ARHGAP10: variants seen among roughly 807,000 people sequenced by gnomAD.
The protein encoded by ARHGAP10 is rho GTPase-activating protein 10.
ARHGAP10 carries 87 observed loss-of-function variants against 108.6 expected under a neutral mutation model. That is an observed-to-expected ratio of 0.80 (90% CI 0.67 to 0.96). The LOEUF (loss-of-function observed/expected upper bound fraction) is 0.96, where lower values mean the gene tolerates loss of function less well. Ranked by LOEUF, ARHGAP10 falls within the 40% of genes least tolerant of loss-of-function variation. ARHGAP10 has a pLI of 0.00. For missense variants in ARHGAP10, 939 were observed against 954.5 expected, an observed-to-expected ratio of 0.98 and a Z score of 0.21; for synonymous variants, 347 against 341.1, an observed-to-expected ratio of 1.02 and a Z score of -0.19.
intron 18 of ARHGAP10, among the ~76,000 whole-genome samples, chr4:147,972,508 C>T (rs72724386): frequency 0.022 from 3,347 of 152,182 alleles, 64 homozygotes; most frequent in Non-Finnish European, 0.033. Flanking sequence ...AGATTGACCC[C>T]CAAAGCCTTT....
Position 147,938,918 on chromosome 4 carries a change from G to T in ARHGAP10, c.1229-907G>T, listed in dbSNP as rs141734776. Among the ~76,000 whole-genome samples, 38 of 152,282 alleles carry T rather than the reference G, an allele frequency of 2.5e-4. No homozygotes were observed. In the East Asian group the frequency reaches 6.9e-3, roughly 28 times the overall value. On this transcript the variant is annotated intron_variant, in intron 13 of 22. Transcript: ENST00000336498. ...ATTTTCAAGCATAAAAAAGTAGAGA[G>T]ATTGGTATAATGAATTCCCATATTC...
Position 147,966,673 on chromosome 4 carries a change from A to G in ARHGAP10, c.1557-7A>G, listed in dbSNP as rs762587359. 1 of 1,552,504 alleles carries G rather than the reference A, an allele frequency of 6.4e-7. No individual in the cohort carries two copies. Among genetic ancestry groups the G allele is most frequent in the Non-Finnish European group, 8.8e-7 (1 of 1,142,156 alleles). The stretch of plus-strand genomic sequence containing the variant: ...TAAACAGATTCCTCCCCCCTTACCA[A>G]TTTCAGTGTTTCAAATCACTCCAAG... On this transcript the variant is annotated splice_polypyrimidine_tract_variant and splice_region_variant and intron_variant, in intron 17 of 22. Coordinates refer to ENST00000336498, the MANE Select transcript of ARHGAP10 (RefSeq NM_024605.4).
chr4:147,958,002 G>A (rs1479104870), intron 16 of ARHGAP10, among the ~76,000 whole-genome samples: 2 of 152,074 alleles, frequency 1.3e-5, no homozygotes, highest in Non-Finnish European at 2.9e-5. Context: ...CTTATAAAAG[G>A]AACCCAGTAG....
chr4:147,950,040 A>G (rs910019791), intron 15 of ARHGAP10, among the ~76,000 whole-genome samples: 6 of 152,164 alleles, frequency 3.9e-5, no homozygotes, highest in African/African-American at 1.4e-4. Context: ...ATCCTATGGA[A>G]TTTCACTTTT....
chr4:147,955,594 T>A (rs904201390), intron 16 of ARHGAP10, among the ~76,000 whole-genome samples: 1 of 152,154 alleles, frequency 6.6e-6, no homozygotes, highest in African/African-American at 2.4e-5. Context: ...TCCTATTATG[T>A]TACTGGATAT....
chr4:147,980,308 G>C (rs745385658), intron 18 of ARHGAP10, among the ~76,000 whole-genome samples: 39 of 151,974 alleles, frequency 2.6e-4, no homozygotes, highest in Non-Finnish European at 4.6e-4. Context: ...TATAGTTTTT[G>C]TTTTTAATTC....
chr4:147,895,964 C>G (rs1004525563), intron 10 of ARHGAP10, among the ~76,000 whole-genome samples: 7 of 152,132 alleles, frequency 4.6e-5, no homozygotes, highest in Admixed American at 4.6e-4. Context: ...CAAAATGTTT[C>G]TCAGTGTCTC....
intron 1 of ARHGAP10, among the ~76,000 whole-genome samples, chr4:147,816,652 G>A (rs927489790): frequency 1.3e-5 from 2 of 152,158 alleles, no homozygotes; most frequent in Non-Finnish European, 2.9e-5. Flanking sequence ...GGGCTTATGA[G>A]TTGTTTGCAG....
In ARHGAP10 at chr4:147,732,420, T is replaced by G; in HGVS notation, c.119T>G (p.Ile40Ser). 6.2e-7 allele frequency: 1 copy of G among 1,612,382 alleles called. No homozygotes were observed. The highest frequency in any genetic ancestry group is 8.5e-7 in the Non-Finnish European group (1 of 1,179,248). The change falls in exon 1 of 23, where the codon ATT (isoleucine) becomes AGT (serine). Residue 40 changes from isoleucine to serine, a missense_variant. By Grantham distance (142) the Ile-to-Ser change is moderately radical. Coordinates refer to ENST00000336498, the MANE Select transcript of ARHGAP10 (RefSeq NM_024605.4). ...ERTNKFIKEL[I>S]KDGKNLIAAT... ...ACCAACAAGTTCATCAAAGAGCTCA[T>G]TAAGGACGGGAAGAACCTCATCGCT...
intron 19 of ARHGAP10, among the ~76,000 whole-genome samples, chr4:148,043,869 A>G (rs916027697): frequency 6.6e-6 from 1 of 151,186 alleles, no homozygotes; most frequent in Non-Finnish European, 1.5e-5. Context: ...TAGTTAAAAA[A>G]TGCTAATTTG....
intron 19 of ARHGAP10, among the ~76,000 whole-genome samples, chr4:148,032,275 A>G (rs1728179773): frequency 6.7e-6 from 1 of 149,778 alleles, no homozygotes; most frequent in African/African-American, 2.5e-5. Flanking sequence ...TGAACCACAT[A>G]AAATTGCCAT....
In ARHGAP10 at chr4:148,062,566, C is replaced by T. The variant is rs575153926; in HGVS notation, c.2028-582C>T. Among the ~76,000 whole-genome samples, 5 of 152,192 alleles carry T rather than the reference C, an allele frequency of 3.3e-5. No homozygotes were observed. In the South Asian group the frequency reaches 8.3e-4, roughly 25 times the overall value. On this transcript the variant is annotated intron_variant, in intron 20 of 22. Transcript: ENST00000336498. ...GCCATTCCAGGTGTCTGTTCACTGA[C>T]CTGTTTACATTAACTTTAAAAAAAA...
chr4:148,011,351 A>G (rs542922658), intron 18 of ARHGAP10, among the ~76,000 whole-genome samples: 17 of 152,312 alleles, frequency 1.1e-4, no homozygotes, highest in African/African-American at 4.1e-4. Context: ...GAAATTTTGA[A>G]TAGCTGTGGG....
intron 1 of ARHGAP10, among the ~76,000 whole-genome samples, chr4:147,795,700 ATT>A (rs112329446): frequency 3.5e-5 from 5 of 142,790 alleles, no homozygotes; most frequent in Non-Finnish European, 4.6e-5. Flanking sequence ...ATTTAATTTA[ATT>A]TTTTTTTTTT....
chr4:147,857,436 A>G, intron 4 of ARHGAP10, 117 bp from the exon 5 acceptor site: 1 of 1,040,064 alleles, frequency 9.6e-7, no homozygotes, highest in East Asian at 3.5e-5. Flanking sequence ...GCTTTATCAC[A>G]TTCAGAGTGG....
rs923860706 is a variant in ARHGAP10 at position 147,866,862 on chromosome 4, T to C, written c.702+46T>C. On this transcript the variant is annotated intron_variant, in intron 7 of 22. Transcript: ENST00000336498. ...TTTATAAAAAGATGTTTGAAAAGTA[T>C]TTTTCATTTGTGTGTTGTATGAAAA... 3 of 1,470,188 alleles carry C rather than the reference T, an allele frequency of 2.0e-6. No individual in the cohort carries two copies. In the African/African-American group the frequency reaches 4.2e-5, roughly 21 times the overall value. 91.1% of individuals were successfully genotyped at this position (1,470,188 alleles called of 1,614,324 possible). A position where few individuals can be genotyped will look rare whatever the true frequency, so the allele number is the denominator to read the frequency against.
chr4:147,958,524 C>G (rs943923757), intron 16 of ARHGAP10, among the ~76,000 whole-genome samples: 1 of 152,130 alleles, frequency 6.6e-6, no homozygotes, highest in African/African-American at 2.4e-5. Flanking sequence ...ATAAACATAT[C>G]TGGGAAGCAA....
chr4:148,035,727 C>T (rs1018741254), intron 19 of ARHGAP10, among the ~76,000 whole-genome samples: 7 of 152,182 alleles, frequency 4.6e-5, no homozygotes, highest in African/African-American at 1.7e-4. Context: ...CATCTCAGTG[C>T]ACCTGCCCGT....
intron 10 of ARHGAP10, 113 bp from the exon 11 acceptor site, chr4:147,906,525 G>A (rs903929235): frequency 1.9e-5 from 18 of 935,094 alleles, no homozygotes; most frequent in Non-Finnish European, 2.9e-5. Context: ...TAGGTTACAT[G>A]TATTTTACCA....
Sources: allele counts gnomAD v4.1 joint callset (sites outside exome capture counted in the v4.1 genomes callset), GRCh38; gene constraint gnomAD v4.1.1; transcripts MANE v1.5; gene names NCBI Gene and HGNC (gene_info 2026-07-23, HGNC 2026-07-21).